Variants in RICTOR observed in about 807,000 individuals in gnomAD.
The protein encoded by RICTOR is RPTOR independent companion of MTOR complex 2, also known as rapamycin-insensitive companion of mTOR.
A neutral mutation model predicts 214.9 loss-of-function variants in RICTOR; 49 were observed. The ratio of observed to expected loss-of-function variants is 0.23; its 90% CI spans 0.18 to 0.29. RICTOR has a LOEUF of 0.29. Ranked by LOEUF, RICTOR falls within the 10% of genes least tolerant of loss-of-function variation. The pLI is 1.00. For missense variants in RICTOR, 1,625 were observed against 2,047.0 expected (o/e 0.79, Z 3.98); for synonymous variants, 717 against 711.3 (o/e 1.01, Z -0.13).
intron 2 of RICTOR, among the ~76,000 whole-genome samples, chr5:39,053,093 A>T (rs1049623338): frequency 6.6e-6 from 1 of 152,228 alleles, no homozygotes; most frequent in Non-Finnish European, 1.5e-5. Context: ...AAATAAGACA[A>T]ATCACTAGCT....
At chr5:39,017,439 G>C (rs1013158264) in intron 3 of RICTOR, among the ~76,000 whole-genome samples, 1 of 151,984 alleles carries the variant, frequency 6.6e-6, no homozygotes, top group Non-Finnish European at 1.5e-5. Flanking sequence ...GTTGAAGAAA[G>C]ATGTTTGAAG....
chr5:38,955,608 G>T lies in RICTOR; in HGVS notation c.2596C>A (p.Arg866=). The change falls in exon 26 of 38, where the codon CGG becomes AGG. Residue 866 remains arginine (R), a synonymous_variant. Transcript: ENST00000357387. ...CTGGGTACGCACCTTTGGTTACTCC[G>T]ACGAACATAGTTATCACCATCAACA... ...KPVDGDNYVR[R]SNQRLQRPHV... The T allele has an allele frequency of 6.3e-7, 1 of 1,591,562 alleles. No homozygotes were observed. Among genetic ancestry groups the T allele is most frequent in the Non-Finnish European group, 8.6e-7 (1 of 1,159,730 alleles).
chr5:38,974,172 C>T (rs1224706752), intron 10 of RICTOR, among the ~76,000 whole-genome samples: 1 of 151,988 alleles, frequency 6.6e-6, no homozygotes, highest in African/African-American at 2.4e-5. Context: ...GCTGCAGCCT[C>T]CCGAGTAGCT....
rs562145173 is a variant in RICTOR at position 38,977,968 on chromosome 5, T to C, written c.821+615A>G. Among the ~76,000 whole-genome samples, 13 of 152,282 alleles carry C rather than the reference T, an allele frequency of 8.5e-5. No individual in the cohort carries two copies. The South Asian group carries it at 2.7e-3, about 32-fold the overall frequency. ...TAAGTTTATGTCTACATTAAACTCA[T>C]TGCAGTGCAATAAAGTCTACCAGAA... is the stretch of plus-strand genomic sequence containing the variant. On this transcript the variant is annotated intron_variant, in intron 9 of 37. Transcript: ENST00000357387.
intron 37 of RICTOR, among the ~76,000 whole-genome samples, chr5:38,942,584 GGGAATACA>G (rs1322596782): frequency 1.3e-5 from 2 of 149,914 alleles, no homozygotes; most frequent in Non-Finnish European, 3.0e-5. Context: ...CCAAGTAGCT[GGGAATACA>G]GGCAGATGAC....
At chr5:39,001,184 T>C (rs1753586219) in intron 5 of RICTOR, among the ~76,000 whole-genome samples, 1 of 151,924 alleles carries the variant, frequency 6.6e-6, no homozygotes, top group Non-Finnish European at 1.5e-5. Flanking sequence ...TTAACAGATA[T>C]CAAAACATTA....
chr5:38,969,869 T>A (rs1256925524), intron 11 of RICTOR: 4 of 151,984 alleles, frequency 2.6e-5, no homozygotes, highest in African/African-American at 9.7e-5. Flanking sequence ...GGCTTCACCG[T>A]GTTAGCCAGG....
chr5:38,952,265 T>C lies in RICTOR; in HGVS notation c.3058A>G (p.Ser1020Gly), dbSNP rs757720947. 1.2e-6 allele frequency: 2 copies of C among 1,613,090 alleles called. No individual in the cohort carries two copies. Among genetic ancestry groups the C allele is most frequent in the South Asian group, 1.1e-5 (1 of 91,068 alleles). The change falls in exon 30 of 38, where the codon AGC (serine) becomes GGC (glycine). Residue 1020 changes from serine (S) to glycine (G), a missense_variant. Physicochemically the swap from Ser to Gly is moderately conservative, Grantham distance 56. Around this residue, in one of 5 missense-constraint regions of RICTOR, gnomAD observed 1,214 missense variants for 1,470.5 expected, o/e 0.83. Transcript: ENST00000357387. ...GACTCCGAGTTCAAACTTAGAGTGCTTGGGATAGATGAAAGTTCATTACAG... is the reference window on the plus strand; with the variant it reads ...GACTCCGAGTTCAAACTTAGAGTGCCTGGGATAGATGAAAGTTCATTACAG... ...QLCNELSSIP[S>G]TLSLNSESTS...
intron 25 of RICTOR, among the ~76,000 whole-genome samples, 176 bp downstream of exon 25, chr5:38,957,476 A>G (rs536447293): frequency 2.0e-5 from 3 of 152,214 alleles, no homozygotes; most frequent in Non-Finnish European, 2.9e-5. Context: ...AAAAAAATGT[A>G]TAACTATAAA....
chr5:39,046,789 G>C (rs750832069), intron 2 of RICTOR, among the ~76,000 whole-genome samples: 28 of 152,000 alleles, frequency 1.8e-4, no homozygotes, highest in African/African-American at 6.5e-4. Context: ...AAAGCTTTGA[G>C]TTAAATGAAG....
chr5:39,034,677 C>A (rs186985697), intron 2 of RICTOR, among the ~76,000 whole-genome samples: 5 of 152,382 alleles, frequency 3.3e-5, no homozygotes, highest in South Asian at 4.1e-4. Flanking sequence ...TATCCCACAC[C>A]TGGCTCAGCG....
At chr5:39,056,912 A>G (rs1208243754) in intron 2 of RICTOR, among the ~76,000 whole-genome samples, 2 of 152,190 alleles carry the variant, frequency 1.3e-5, no homozygotes, top group East Asian at 1.9e-4. Context: ...CAGTTAGGAA[A>G]TGAGAATGGT....
chr5:39,014,256 C>A (rs2150125797), intron 3 of RICTOR, among the ~76,000 whole-genome samples: 1 of 152,148 alleles, frequency 6.6e-6, no homozygotes, highest in South Asian at 2.1e-4. Flanking sequence ...TAATAAATGG[C>A]AAATAAACTG....
At chr5:39,038,489 G>A (rs570684945) in intron 2 of RICTOR, among the ~76,000 whole-genome samples, 1 of 152,150 alleles carries the variant, frequency 6.6e-6, no homozygotes, top group African/African-American at 2.4e-5. Context: ...GCAGGAGAAA[G>A]AAATAAAGGG....
At chr5:39,038,864 T>C (rs1452299168) in intron 2 of RICTOR, among the ~76,000 whole-genome samples, 1 of 152,032 alleles carries the variant, frequency 6.6e-6, no homozygotes, top group Non-Finnish European at 1.5e-5. Flanking sequence ...GTAGGAAGAA[T>C]CAATATCGTG....
chr5:39,041,941 A>C (rs959002013), intron 2 of RICTOR, among the ~76,000 whole-genome samples: 20 of 56,908 alleles, frequency 3.5e-4, no homozygotes, highest in Admixed American at 2.6e-3. Context: ...ACCCTGTTTC[A>C]AAAAAAAAAA....
intron 36 of RICTOR, among the ~76,000 whole-genome samples, chr5:38,943,655 A>G (rs1434467921): frequency 6.6e-6 from 1 of 152,130 alleles, no homozygotes; most frequent in Non-Finnish European, 1.5e-5. Context: ...TCTACTAAAA[A>G]TACAAAAATT....
chr5:39,074,201 AGGCCAGCTGCGGCTGCCCTGGCTCC>A (rs750397433), intron 1 of RICTOR, 43 bp from the exon 2 acceptor site: 17 of 1,586,292 alleles, frequency 1.1e-5, no homozygotes, highest in Middle Eastern at 1.7e-4. Flanking sequence ...ATTGGCTCGC[AGGCCAGCTGCGGCTGCCCTGGCTCC>A]GGCCAGCGCC....
At chr5:39,041,442 A>G (rs1234086978) in intron 2 of RICTOR, among the ~76,000 whole-genome samples, 2 of 152,182 alleles carry the variant, frequency 1.3e-5, no homozygotes, top group Non-Finnish European at 2.9e-5. Context: ...ATTATTAAGG[A>G]AGGCATTTGT....
Sources: gnomAD v4.1 joint callset for allele counts (sites outside exome capture counted in the v4.1 genomes callset) on GRCh38, gnomAD v4.1.1 for gene constraint, gnomAD v4.1.1 regional missense constraint, MANE v1.5 for transcripts, NCBI Gene and HGNC (gene_info 2026-07-23, HGNC 2026-07-21) for gene names.